ZNF597: variants seen among roughly 807,000 people sequenced by gnomAD.
ZNF597 encodes zinc finger protein 597.
In ZNF597, 5 loss-of-function variants were observed where a neutral mutation model predicts 7.3. The ratio of observed to expected loss-of-function variants is 0.68; its 90% CI spans 0.36 to 1.44. The LOEUF is 1.44. ZNF597 is among the 40% of genes most tolerant of loss of function. The pLI, the probability that ZNF597 is intolerant of heterozygous loss-of-function variation, is 0.04. For synonymous variants in ZNF597, 209 were observed against 185.4 expected (o/e 1.13, Z -1.04); for missense variants, 585 against 517.9 (o/e 1.13, Z -1.26).
chr16:3,438,762 C>G (rs747086482), intron 3 of ZNF597, among the ~76,000 whole-genome samples: 1 of 152,112 alleles, frequency 6.6e-6, no homozygotes, highest in Non-Finnish European at 1.5e-5. Context: ...AAATAACAGC[C>G]AATCTACTTA....
chr16:3,440,750 A>T lies in ZNF597; in HGVS notation c.160+57T>A, dbSNP rs555228852. 1.2e-5 allele frequency: 19 copies of T among 1,602,468 alleles called. No homozygotes were observed. The South Asian group carries it at 1.9e-4, about 16-fold the overall frequency. On this transcript the variant is annotated intron_variant, in intron 3 of 3. Transcript: ENST00000301744. ...CATACCAACATCTGGATAAAGCATG[A>T]AGTTCTCCTCCTAGAATTGACAAAA...
In ZNF597 at chr16:3,436,844, C is replaced by G. The variant is rs2034306380; in HGVS notation, c.855G>C (p.Leu285Phe). The G allele has an allele frequency of 6.2e-7, 1 of 1,613,856 alleles. No individual in the cohort carries two copies. Among genetic ancestry groups the G allele is most frequent in the Admixed American group, 1.7e-5 (1 of 59,994 alleles). The change falls in exon 4 of 4, where the codon TTG becomes TTC. Residue 285 changes from leucine to phenylalanine, a missense_variant. Physicochemically the swap from Leu to Phe is conservative, Grantham distance 22 (BLOSUM62 0). Transcript: ENST00000301744. ...GGCCTGATACGAATGTTTCCTCAGG[C>G]AAAGCAAGATTTGGTTTCTCATTAA... The part of the protein sequence containing the change: ...KHFNEKPNLA[L>F]PEETFVSGPQ...
chr16:3,438,558 G>A (rs2034329836), intron 3 of ZNF597, among the ~76,000 whole-genome samples: 1 of 150,952 alleles, frequency 6.6e-6, no homozygotes, highest in South Asian at 2.1e-4. Context: ...GCAAGACTCT[G>A]TCTCAAAAAA....
intron 2 of ZNF597, among the ~76,000 whole-genome samples, chr16:3,441,863 C>G (rs981850861): frequency 6.6e-6 from 1 of 151,578 alleles, no homozygotes; most frequent in Admixed American, 6.6e-5. Context: ...GCCTGTAGTC[C>G]CAGCTACTTG....
rs2034302711 is a variant in ZNF597, at chr16:3,436,589, C to T, written c.1110G>A (p.Lys370=). The change falls in exon 4 of 4, where the codon AAG becomes AAA. Residue 370 remains lysine, a synonymous_variant. Transcript: ENST00000301744. ...CAAAACTTTCCTCGCATGTTTTGCA[C>T]TTATGGGGCCTTTCCTCTGTATGAA... The part of the protein sequence containing the change: ...QNIHTEERPH[K]CKTCEESFAL... 1.9e-6 allele frequency: 3 copies of T among 1,607,928 alleles called. No individual in the cohort carries two copies. The East Asian group carries it at 6.7e-5, about 36-fold the overall frequency.
chr16:3,436,279 A>C lies in ZNF597; in HGVS notation c.*145T>G. The C allele has an allele frequency of 1.2e-6, 1 of 802,430 alleles. No homozygotes were observed. The highest frequency in any genetic ancestry group is 1.9e-6 in the Non-Finnish European group (1 of 522,782). The allele number at this position is 802,430 out of a possible 1,614,324, so 49.7% of individuals were successfully genotyped here. The stretch of plus-strand genomic sequence containing the variant: ...TTATAAAATGGAAATGATACTGCCT[A>C]AATCACGGTTGTGCTGAGAATTAAG... On this transcript the variant is annotated 3_prime_UTR_variant, in exon 4 of 4. Coordinates refer to ENST00000301744, the MANE Select transcript of ZNF597 (RefSeq NM_152457.3).
At position 3,440,802 on chromosome 16, in the gene ZNF597, C is replaced by G. The variant is rs765146442; in HGVS notation, c.160+5G>C. On this transcript the variant is annotated splice_donor_5th_base_variant and intron_variant, in intron 3 of 3. Transcript: ENST00000301744. The stretch of plus-strand genomic sequence containing the variant: ...TTCCAGATGCAGGAAAAACAATTGC[C>G]TTACCCATCAAAGCCGCATCCTCCA... 1.2e-6 allele frequency: 2 copies of G among 1,613,140 alleles called. No individual in the cohort carries two copies. The highest frequency in any genetic ancestry group is 1.7e-6 in the Non-Finnish European group (2 of 1,179,666).
Position 3,434,769 on chromosome 16 carries a change from T to A in ZNF597, c.*1655A>T, listed in dbSNP as rs2034284437. The A allele has an allele frequency of 6.6e-6, 1 of 152,102 alleles. No individual in the cohort carries two copies. Among genetic ancestry groups the A allele is most frequent in the African/African-American group, 2.4e-5 (1 of 41,408 alleles). 9.4% of individuals were successfully genotyped at this position (152,102 alleles called of 1,614,324 possible). A position where few individuals can be genotyped will look rare whatever the true frequency, so the allele number is the denominator to read the frequency against. Reference sequence around the variant, plus strand: ...CTTCCATATAATTAGTCCTCAAGAGTCCTTTATCTTTTCTCCCAGCAAAAA... The same window carrying A: ...CTTCCATATAATTAGTCCTCAAGAGACCTTTATCTTTTCTCCCAGCAAAAA... On this transcript the variant is annotated 3_prime_UTR_variant, in exon 4 of 4. Coordinates refer to ENST00000301744, the MANE Select transcript of ZNF597 (RefSeq NM_152457.3).
chr16:3,440,603 C>T lies in ZNF597; in HGVS notation c.160+204G>A, dbSNP rs138297692. Reference sequence around the variant, plus strand: ...GAGCAGAGATCGTGCCACTGCACTCCAGCCTGGGCAACAGAGCGAGAGTCT... The same window carrying T: ...GAGCAGAGATCGTGCCACTGCACTCTAGCCTGGGCAACAGAGCGAGAGTCT... On this transcript the variant is annotated intron_variant, in intron 3 of 3. Transcript: ENST00000301744. 8.5e-5 allele frequency among the ~76,000 whole-genome samples: 13 copies of T among 152,054 alleles called. No individual in the cohort carries two copies. In the East Asian group the frequency reaches 2.5e-3, roughly 29 times the overall value.
intron 3 of ZNF597, among the ~76,000 whole-genome samples, chr16:3,438,357 A>G (rs37827): frequency 0.26 from 39,294 of 151,658 alleles, 5,405 homozygotes; most frequent in African/African-American, 0.36. Flanking sequence ...CAGGAGATCA[A>G]GACCATCCTG....
chr16:3,439,373 AT>A lies in ZNF597; in HGVS notation c.160+1433del, dbSNP rs1344377338. ...ACTCCAGCCTGGGTGACAGATCAAG[AT>A]ACTGTATCAAAAAAAAAATAACCCC... is the stretch of plus-strand genomic sequence containing the variant. On this transcript the variant is annotated intron_variant, in intron 3 of 3. Coordinates refer to ENST00000301744, the MANE Select transcript of ZNF597 (RefSeq NM_152457.3). Among the ~76,000 whole-genome samples, 4 of 151,592 alleles carry A rather than the reference AT, an allele frequency of 2.6e-5. No individual in the cohort carries two copies. In the East Asian group the frequency reaches 5.8e-4, roughly 22 times the overall value.
At position 3,443,371 on chromosome 16, in the gene ZNF597, T is replaced by A. The variant is rs1567355854; in HGVS notation, c.-65A>T. 2 of 566,886 alleles carry A rather than the reference T, an allele frequency of 3.5e-6. No homozygotes were observed. The highest frequency in any genetic ancestry group is 6.1e-6 in the Non-Finnish European group (2 of 327,778). The allele number at this position is 566,886 out of a possible 1,614,324, so 35.1% of individuals were successfully genotyped here. A position where few individuals can be genotyped will look rare whatever the true frequency, so the allele number is the denominator to read the frequency against. On this transcript the variant is annotated 5_prime_UTR_variant, in exon 1 of 4. Coordinates refer to ENST00000301744, the MANE Select transcript of ZNF597 (RefSeq NM_152457.3). ...AGGGGCCCACTTACCGCTCCGCGGT[T>A]AATAACAGGCCTCGCGCTCCCTGAC...
intron 3 of ZNF597, among the ~76,000 whole-genome samples, chr16:3,439,643 C>A (rs1164501337): frequency 6.6e-6 from 1 of 151,938 alleles, no homozygotes; most frequent in African/African-American, 2.4e-5. Context: ...AAAAGCACAC[C>A]TTGAAACAGT....
chr16:3,439,695 T>C (rs933387138), intron 3 of ZNF597, among the ~76,000 whole-genome samples: 1 of 149,354 alleles, frequency 6.7e-6, no homozygotes, highest in African/African-American at 2.5e-5. Flanking sequence ...CACAACAAAG[T>C]CCAAAATATT....
At position 3,433,409 on chromosome 16, in the gene ZNF597, G is replaced by C. The variant is rs746432705; in HGVS notation, c.*3015C>G. On this transcript the variant is annotated 3_prime_UTR_variant, in exon 4 of 4. Coordinates refer to ENST00000301744, the MANE Select transcript of ZNF597 (RefSeq NM_152457.3). Reference sequence around the variant, plus strand: ...CATCACTGCATCAACGACAAAAACGGAGAAATTTGTCTGAGTCAATTTATT... The same window carrying C: ...CATCACTGCATCAACGACAAAAACGCAGAAATTTGTCTGAGTCAATTTATT... 1 of 152,188 alleles carries C rather than the reference G, an allele frequency of 6.6e-6. No homozygotes were observed. Among genetic ancestry groups the C allele is most frequent in the Non-Finnish European group, 1.5e-5 (1 of 68,022 alleles). 9.4% of individuals were successfully genotyped at this position (152,188 alleles called of 1,614,324 possible).
At chr16:3,438,419 T>C (rs1291884342) in intron 3 of ZNF597, among the ~76,000 whole-genome samples, 2 of 151,434 alleles carry the variant, frequency 1.3e-5, no homozygotes, top group African/African-American at 4.9e-5. Context: ...GAAAATTAGC[T>C]GGGCGTGGTG....
In ZNF597 at chr16:3,443,429, G is replaced by C. The variant is rs796368273; in HGVS notation, c.-123C>G. On this transcript the variant is annotated 5_prime_UTR_variant, in exon 1 of 4. Transcript: ENST00000301744. ...GCAGAAAGCGACGCCCGACCGAGAC[G>C]CGACGAAGAACGCCACGGCCACTGC... 5.0e-5 allele frequency: 26 copies of C among 521,790 alleles called. No individual in the cohort carries two copies. The highest frequency in any genetic ancestry group is 4.7e-4 in the African/African-American group (24 of 50,576). 32.3% of individuals were successfully genotyped at this position (521,790 alleles called of 1,614,324 possible).
At position 3,436,505 on chromosome 16, in the gene ZNF597, T is replaced by C. The variant is rs763430896; in HGVS notation, c.1194A>G (p.Lys398=). 3.1e-6 allele frequency: 5 copies of C among 1,614,186 alleles called. No individual in the cohort carries two copies. Among genetic ancestry groups the C allele is most frequent in the African/African-American group, 1.3e-5 (1 of 75,044 alleles). ...QKSHMLAEPF[K]CTVCGKTFKS... is the part of the protein sequence containing the mutation. ...TGAAAGTTTTCCCACACACGGTACA[T>C]TTAAAAGGTTCCGCTAGCATGTGGC... Residue 398 remains lysine (K), a synonymous_variant, in exon 4 of 4, where the codon AAA becomes AAG. Coordinates refer to ENST00000301744, the MANE Select transcript of ZNF597 (RefSeq NM_152457.3).
At position 3,437,480 on chromosome 16, in the gene ZNF597, G is replaced by C. The variant is rs569327096; in HGVS notation, c.219C>G (p.Asp73Glu). Residue 73 changes from aspartate (D) to glutamate (E), a missense_variant, in exon 4 of 4, where the codon GAC becomes GAG. Asp to Glu is a conservative substitution (Grantham distance 45, BLOSUM62 2). Transcript: ENST00000301744. ...QQLSLESMEL[D>E]ELALEKYPIA... ...TGGGGTACTTTTCTAAGGCAAGCTC[G>C]TCAAGTTCCATAGACTCTAGGCTTA... 5 of 1,614,022 alleles carry C rather than the reference G, an allele frequency of 3.1e-6. No individual in the cohort carries two copies. The East Asian group carries it at 6.7e-5, about 22-fold the overall frequency.
Sources: allele counts gnomAD v4.1 joint callset (sites outside exome capture counted in the v4.1 genomes callset), GRCh38; gene constraint gnomAD v4.1.1; transcripts MANE v1.5; gene names NCBI Gene and HGNC (gene_info 2026-07-23, HGNC 2026-07-21).